Variants in CAMSAP2 observed in about 807,000 individuals in gnomAD.
CAMSAP2 encodes the protein calmodulin regulated spectrin associated protein family member 2.
In CAMSAP2, 26 loss-of-function variants were observed where a neutral mutation model predicts 146.1. That is an observed-to-expected ratio of 0.18 (90% CI 0.13 to 0.25). The LOEUF is 0.25. CAMSAP2 is among the 10% of genes least tolerant of loss of function. CAMSAP2 has a pLI of 1.00. For missense variants in CAMSAP2, 1,381 were observed against 1,759.3 expected, an observed-to-expected ratio of 0.78 and a Z score of 3.85; for synonymous variants, 499 against 596.6, an observed-to-expected ratio of 0.84 and a Z score of 2.38.
At position 200,760,781 on chromosome 1, in the gene CAMSAP2, A is replaced by T. The variant is rs563761924; in HGVS notation, c.140-58A>T. The stretch of plus-strand genomic sequence containing the variant: ...GACATAAATAATAATTATTAATTAA[A>T]TTCTATGTTTCTTTTATAAAAATCT... On this transcript the variant is annotated intron_variant, in intron 1 of 16. Coordinates refer to ENST00000358823, the MANE Select transcript of CAMSAP2 (RefSeq NM_203459.4). 6.6e-5 allele frequency: 82 copies of T among 1,236,026 alleles called. No homozygotes were observed. In the South Asian group the frequency reaches 1.2e-3, roughly 18 times the overall value. The allele number at this position is 1,236,026 out of a possible 1,614,324, so 76.6% of individuals were successfully genotyped here.
At chr1:200,816,884 G>GTATA in intron 4 of CAMSAP2, among the ~76,000 whole-genome samples, 2 of 64,402 alleles carry the variant, frequency 3.1e-5, no homozygotes, top group Non-Finnish European at 6.1e-5. Flanking sequence ...ACACACACGC[G>GTATA]TGTGTATGTG....
intron 2 of CAMSAP2, among the ~76,000 whole-genome samples, chr1:200,765,197 T>C (rs1664912936): frequency 6.6e-6 from 1 of 152,134 alleles, no homozygotes; most frequent in Admixed American, 6.5e-5. Context: ...TACAATCTGC[T>C]TATCAGTCAA....
rs76097852 is a variant in CAMSAP2 at position 200,841,685 on chromosome 1, A to G, written c.928-309A>G. Among the ~76,000 whole-genome samples, 296 of 152,302 alleles carry G rather than the reference A, an allele frequency of 1.9e-3. 1 individual carries two copies. Among genetic ancestry groups the G allele is most frequent in the African/African-American group, 6.9e-3 (288 of 41,552 alleles). On this transcript the variant is annotated intron_variant, in intron 6 of 16. Transcript: ENST00000358823. ...GATTGAATAACTTTTTAAGTTGCTT[A>G]TATTTACTTTGGAATGAAAGTGCCT...
intron 1 of CAMSAP2, among the ~76,000 whole-genome samples, chr1:200,740,311 A>C (rs1232523207): frequency 2.0e-5 from 3 of 151,922 alleles, no homozygotes; most frequent in Non-Finnish European, 4.4e-5. Context: ...CTCAGTCATA[A>C]TTGTGATTAC....
At chr1:200,833,008 C>T (rs915489122) in intron 6 of CAMSAP2, among the ~76,000 whole-genome samples, 163 bp downstream of exon 6, 1 of 151,826 alleles carries the variant, frequency 6.6e-6, no homozygotes, top group African/African-American at 2.4e-5. Context: ...CTTCAGTGAG[C>T]GATGATCGTG....
intron 4 of CAMSAP2, among the ~76,000 whole-genome samples, chr1:200,826,766 G>A (rs1299453634): frequency 6.6e-6 from 1 of 152,130 alleles, no homozygotes; most frequent in Non-Finnish European, 1.5e-5. Context: ...CAGAAAATCT[G>A]GACTGCCTAG....
At chr1:200,747,116 C>T (rs1328974881) in intron 1 of CAMSAP2, among the ~76,000 whole-genome samples, 3 of 152,108 alleles carry the variant, frequency 2.0e-5, no homozygotes, top group Non-Finnish European at 2.9e-5. Flanking sequence ...CCAAGCTGGT[C>T]TTGAACTCCT....
intron 2 of CAMSAP2, among the ~76,000 whole-genome samples, chr1:200,797,132 C>G (rs1268138929): frequency 6.6e-6 from 1 of 151,878 alleles, no homozygotes; most frequent in Admixed American, 6.6e-5. Context: ...AATAAACATA[C>G]GTGTGCATGT....
At chr1:200,745,359 A>T (rs1371458904) in intron 1 of CAMSAP2, among the ~76,000 whole-genome samples, 2 of 152,084 alleles carry the variant, frequency 1.3e-5, no homozygotes, top group Non-Finnish European at 1.5e-5. Flanking sequence ...TGCTATAAAT[A>T]TTATAAGACA....
chr1:200,781,876 A>G (rs190757220), intron 2 of CAMSAP2, among the ~76,000 whole-genome samples: 253 of 152,140 alleles, frequency 1.7e-3, no homozygotes, highest in African/African-American at 6.1e-3. Context: ...CTTGATAGTT[A>G]CTGTTTTTTT....
At chr1:200,753,513 A>C (rs1198557499) in intron 1 of CAMSAP2, among the ~76,000 whole-genome samples, 1 of 151,814 alleles carries the variant, frequency 6.6e-6, no homozygotes, top group Non-Finnish European at 1.5e-5. Flanking sequence ...GTCCCCCTCC[A>C]CCCTTGGTTC....
intron 1 of CAMSAP2, among the ~76,000 whole-genome samples, chr1:200,754,416 T>C (rs2102995093): frequency 6.6e-6 from 1 of 152,174 alleles, no homozygotes; most frequent in Non-Finnish European, 1.5e-5. Context: ...AATTAATTAG[T>C]AATTTATAGG....
chr1:200,845,217 A>G (rs1667428446), intron 8 of CAMSAP2, among the ~76,000 whole-genome samples: 1 of 150,300 alleles, frequency 6.7e-6, no homozygotes, highest in South Asian at 2.1e-4. Context: ...GGACTTTTAC[A>G]TATTTTATTA....
chr1:200,778,564 T>C (rs1665346004), intron 2 of CAMSAP2, among the ~76,000 whole-genome samples: 1 of 152,168 alleles, frequency 6.6e-6, no homozygotes, highest in African/African-American at 2.4e-5. Context: ...CATTTGACTT[T>C]CCTCTCTACC....
At chr1:200,807,575 G>A in intron 3 of CAMSAP2, 38 bp downstream of exon 3, 1 of 1,383,236 alleles carries the variant, frequency 7.2e-7, no homozygotes, top group Non-Finnish European at 9.6e-7. Flanking sequence ...GCATCTCATA[G>A]CCAGAAAACG....
rs761082520 is a variant in CAMSAP2, at chr1:200,850,135, C to T, written c.3366C>T (p.Pro1122=). 6.2e-7 allele frequency: 1 copy of T among 1,613,728 alleles called. No homozygotes were observed. The highest frequency in any genetic ancestry group is 8.5e-7 in the Non-Finnish European group (1 of 1,179,904). ...LIEVSLSDLK[P]PEKADVPVEK... ...AAGTTTCCCTCTCAGATTTGAAACC[C>T]CCTGAAAAGGCTGATGTACCTGTTG... The change falls in exon 11 of 17, where the codon CCC becomes CCT. Residue 1122 remains proline, a synonymous_variant. Transcript: ENST00000358823.
At chr1:200,771,653 C>T (rs1438168719) in intron 2 of CAMSAP2, among the ~76,000 whole-genome samples, 5 of 152,086 alleles carry the variant, frequency 3.3e-5, no homozygotes, top group African/African-American at 1.2e-4. Context: ...TTGGCCATTG[C>T]TGATTGATCT....
chr1:200,761,047 C>G lies in CAMSAP2; in HGVS notation c.348C>G (p.Asp116Glu). 1 of 1,580,862 alleles carries G rather than the reference C, an allele frequency of 6.3e-7. No individual in the cohort carries two copies. Among genetic ancestry groups the G allele is most frequent in the South Asian group, 1.1e-5 (1 of 88,262 alleles). ...ALAQKGLYVT[D>E]QEKLVTERDL... ...CACAGAAAGGTCTTTATGTCACTGA[C>G]CAGGAAAAATTGGTAACTGAACGAG... Residue 116 changes from aspartate (D) to glutamate (E), a missense_variant, in exon 2 of 17, where the codon GAC (aspartate) becomes GAG (glutamate). Asp to Glu is a conservative substitution (Grantham distance 45, BLOSUM62 2). Around this residue, in one of 4 missense-constraint regions of CAMSAP2, gnomAD observed 284 missense variants for 406.9 expected, o/e 0.70. Coordinates refer to ENST00000358823, the MANE Select transcript of CAMSAP2 (RefSeq NM_203459.4).
intron 2 of CAMSAP2, among the ~76,000 whole-genome samples, chr1:200,784,975 T>C (rs989767646): frequency 1.3e-5 from 2 of 152,256 alleles, no homozygotes; most frequent in Non-Finnish European, 2.9e-5. Context: ...CATGAATAAC[T>C]GCTGTATTTT....
Sources: gnomAD v4.1 joint callset for allele counts (sites outside exome capture counted in the v4.1 genomes callset) on GRCh38, gnomAD v4.1.1 for gene constraint, gnomAD v4.1.1 regional missense constraint, MANE v1.5 for transcripts, NCBI Gene and HGNC (gene_info 2026-07-23, HGNC 2026-07-21) for gene names.